CACNA1E: variants seen among roughly 807,000 people sequenced by gnomAD.
CACNA1E encodes the protein voltage-dependent R-type calcium channel subunit alpha-1E.
CACNA1E carries 40 observed loss-of-function variants against 259.2 expected under a neutral mutation model. That is an observed-to-expected ratio of 0.15 (90% CI 0.12 to 0.20). The LOEUF is 0.20. Ranked by LOEUF, CACNA1E falls within the 10% of genes least tolerant of loss-of-function variation. The pLI is 1.00. For synonymous variants in CACNA1E, 1,104 were observed against 1,138.5 expected (o/e 0.97, Z 0.61); for missense variants, 1,874 against 3,040.1 (o/e 0.62, Z 9.02).
chr1:181,562,341 A>T (rs550512095), intron 3 of CACNA1E, among the ~76,000 whole-genome samples: 1 of 152,260 alleles, frequency 6.6e-6, no homozygotes, highest in Admixed American at 6.5e-5. Context: ...ATGACAGGCC[A>T]TTGTGTTGTC....
intron 2 of CACNA1E, among the ~76,000 whole-genome samples, chr1:181,457,843 C>T (rs563313819): frequency 1.3e-5 from 2 of 152,230 alleles, no homozygotes; most frequent in East Asian, 1.9e-4. Context: ...GGTGATATTT[C>T]TAAGACCTTG....
At chr1:181,571,498 A>G (rs1435071656) in intron 3 of CACNA1E, among the ~76,000 whole-genome samples, 1 of 152,236 alleles carries the variant, frequency 6.6e-6, no homozygotes, top group African/African-American at 2.4e-5. Context: ...AAGTGGAATG[A>G]CAGATAAAGG....
In CACNA1E at chr1:181,590,435, ATT is replaced by A. The variant is rs1652533638; in HGVS notation, c.951+9660_951+9661del. Among the ~76,000 whole-genome samples, 11 of 142,022 alleles carry A rather than the reference ATT, an allele frequency of 7.7e-5. No homozygotes were observed. The South Asian group carries it at 2.3e-3, about 29-fold the overall frequency. 93.2% of individuals were successfully genotyped at this position (142,022 alleles called of 152,430 possible). A position where few individuals can be genotyped will look rare whatever the true frequency, so the allele number is the denominator to read the frequency against. ...AAAAAAAATATATATATATATATATATTGTATTTGACTGATGAGTACAGCTTT... is the reference window on the plus strand; with the variant it reads ...AAAAAAAATATATATATATATATATAGTATTTGACTGATGAGTACAGCTTT... On this transcript the variant is annotated intron_variant, in intron 6 of 47. Transcript: ENST00000367573.
intron 38 of CACNA1E, among the ~76,000 whole-genome samples, chr1:181,778,590 C>T (rs2102808608): frequency 6.6e-6 from 1 of 152,270 alleles, no homozygotes; most frequent in East Asian, 1.9e-4. Flanking sequence ...TGGACGCTGA[C>T]AGAGAAGATG....
At chr1:181,787,701 T>C (rs1263888510) in intron 43 of CACNA1E, among the ~76,000 whole-genome samples, 2 of 152,154 alleles carry the variant, frequency 1.3e-5, no homozygotes, top group African/African-American at 4.8e-5. Context: ...TGGGCTGTTG[T>C]GATGTCATGG....
chr1:181,685,931 A>G lies in CACNA1E; in HGVS notation c.1056-25023A>G, dbSNP rs553317499. ...TACTTCCTGAAAGCAATCAAATGCA[A>G]CTAACATTGGGTTTCATTTGAGTTA... On this transcript the variant is annotated intron_variant, in intron 7 of 47. Transcript: ENST00000367573. Among the ~76,000 whole-genome samples the G allele has an allele frequency of 1.1e-3, 165 of 152,292 alleles. 1 individual carries two copies. The highest frequency in any genetic ancestry group is 3.8e-3 in the African/African-American group (159 of 41,542).
chr1:181,608,391 G>C (rs959140398), intron 6 of CACNA1E, among the ~76,000 whole-genome samples: 4 of 152,166 alleles, frequency 2.6e-5, no homozygotes, highest in African/African-American at 9.7e-5. Flanking sequence ...TAAGAAGTTG[G>C]CAGGAATGAC....
chr1:181,675,489 G>T (rs1649279581), intron 7 of CACNA1E, among the ~76,000 whole-genome samples: 1 of 152,112 alleles, frequency 6.6e-6, no homozygotes, highest in Admixed American at 6.5e-5. Flanking sequence ...ACGTATATGT[G>T]TTAAGAGAAG....
At chr1:181,404,173 T>A (rs76032235) in intron 1 of CACNA1E, among the ~76,000 whole-genome samples, 3,387 of 152,330 alleles carry the variant, frequency 0.022, 57 homozygotes, top group Middle Eastern at 0.037. Flanking sequence ...TCCCCCAAAC[T>A]GTACGGACGG....
chr1:181,456,025 G>T (rs1661443377), intron 2 of CACNA1E, among the ~76,000 whole-genome samples: 1 of 152,204 alleles, frequency 6.6e-6, no homozygotes, highest in Non-Finnish European at 1.5e-5. Flanking sequence ...CTGTTTGGAG[G>T]AGAAGAATTT....
At chr1:181,737,439 G>C in intron 22 of CACNA1E, 86 bp from the exon 23 acceptor site, 2 of 1,490,534 alleles carry the variant, frequency 1.3e-6, no homozygotes, top group Non-Finnish European at 1.8e-6. Context: ...TGTCTGGAAG[G>C]GGCCAATATG....
In CACNA1E at chr1:181,788,902, T is replaced by C. The variant is rs186104973; in HGVS notation, c.5787-1543T>C. On this transcript the variant is annotated intron_variant, in intron 43 of 47. Transcript: ENST00000367573. Reference sequence around the variant, plus strand: ...TTCTTTCTGAGACATGATCTCATTCTGTTGCCCAGGCTGGAGTACAGTGGC... The same window carrying C: ...TTCTTTCTGAGACATGATCTCATTCCGTTGCCCAGGCTGGAGTACAGTGGC... 2.2e-3 allele frequency among the ~76,000 whole-genome samples: 328 copies of C among 152,360 alleles called. 2 individuals are homozygous for C. The highest frequency in any genetic ancestry group is 7.7e-3 in the African/African-American group (321 of 41,586).
intron 1 of CACNA1E, among the ~76,000 whole-genome samples, chr1:181,500,478 C>T (rs147988088): frequency 3.2e-4 from 48 of 152,292 alleles, no homozygotes; most frequent in Admixed American, 5.2e-4. Context: ...GCTTTTCCCC[C>T]GAAGTTAAAC....
At chr1:181,597,237 C>A (rs78732447) in intron 6 of CACNA1E, among the ~76,000 whole-genome samples, 3,740 of 152,290 alleles carry the variant, frequency 0.025, 58 homozygotes, top group African/African-American at 0.038. Context: ...CTTGGACCCT[C>A]TGTAGCTTTT....
chr1:181,662,052 C>G (rs1647738973), intron 7 of CACNA1E, among the ~76,000 whole-genome samples: 4 of 152,146 alleles, frequency 2.6e-5, no homozygotes, highest in Admixed American at 2.6e-4. Context: ...TGATACCCTG[C>G]TATGATGACC....
At chr1:181,530,104 G>A (rs1444999661) in intron 3 of CACNA1E, among the ~76,000 whole-genome samples, 2 of 152,150 alleles carry the variant, frequency 1.3e-5, no homozygotes, top group Non-Finnish European at 2.9e-5. Context: ...TGAATCACGA[G>A]GGCTAGTCTT....
intron 2 of CACNA1E, among the ~76,000 whole-genome samples, chr1:181,464,309 C>T (rs558120204): frequency 3.3e-5 from 5 of 150,800 alleles, no homozygotes; most frequent in Non-Finnish European, 7.4e-5. Context: ...CCTAAGGGAG[C>T]CTTGCCATAT....
intron 6 of CACNA1E, among the ~76,000 whole-genome samples, chr1:181,582,346 T>C (rs1651625371): frequency 6.6e-6 from 1 of 152,106 alleles, no homozygotes; most frequent in African/African-American, 2.4e-5. Context: ...GTGCAGTCAC[T>C]CCTCATTTGA....
intron 3 of CACNA1E, among the ~76,000 whole-genome samples, chr1:181,564,659 G>T (rs2102904698): frequency 6.6e-6 from 1 of 152,288 alleles, no homozygotes; most frequent in Non-Finnish European, 1.5e-5. Context: ...CTTTCCAGAA[G>T]GTTCCAATTG....
Sources: gnomAD v4.1 joint callset for allele counts (sites outside exome capture counted in the v4.1 genomes callset) on GRCh38, gnomAD v4.1.1 for gene constraint, MANE v1.5 for transcripts, NCBI Gene and HGNC (gene_info 2026-07-23, HGNC 2026-07-21) for gene names.